Variants in STYX observed in about 807,000 individuals in gnomAD.
STYX encodes serine/threonine/tyrosine interacting protein.
A neutral mutation model predicts 42.7 loss-of-function variants in STYX; 20 were observed. That is an observed-to-expected ratio of 0.47 (90% CI 0.33 to 0.68). STYX has a LOEUF of 0.68. Among genes scored for constraint, STYX ranks in the 30% least tolerant of loss-of-function variants. STYX has a pLI of 0.02. For missense variants in STYX, 226 were observed against 268.5 expected (o/e 0.84, Z 1.11); for synonymous variants, 78 against 81.9 (o/e 0.95, Z 0.26).
chr14:52,732,103 T>G lies in STYX; in HGVS notation c.57+1572T>G, dbSNP rs542777579. ...GAATATACTCATGGTTTTTTTTTTT[T>G]TTTTTTTTTTGACACAGAGTTTCAC... is the stretch of plus-strand genomic sequence containing the variant. On this transcript the variant is annotated intron_variant, in intron 1 of 10. Transcript: ENST00000354586. Among the ~76,000 whole-genome samples, 47 of 149,198 alleles carry G rather than the reference T, an allele frequency of 3.2e-4. No individual in the cohort carries two copies. In the East Asian group the frequency reaches 3.7e-3, roughly 12 times the overall value.
Position 52,730,349 on chromosome 14 carries a change from C to A in STYX, c.-126C>A. On this transcript the variant is annotated 5_prime_UTR_variant, in exon 1 of 11. Coordinates refer to ENST00000354586, the MANE Select transcript of STYX (RefSeq NM_145251.4). ...GTAGTCTGCGTGTGTTAGTTGTAAT[C>A]CCGCCGCCCTCCTGTCAGCCCTCCG... The A allele has an allele frequency of 1.1e-6, 1 of 924,194 alleles. No homozygotes were observed. The highest frequency in any genetic ancestry group is 1.7e-6 in the Non-Finnish European group (1 of 589,150). The allele number at this position is 924,194 out of a possible 1,614,324, so 57.2% of individuals were successfully genotyped here. A position where few individuals can be genotyped will look rare whatever the true frequency, so the allele number is the denominator to read the frequency against.
intron 1 of STYX, among the ~76,000 whole-genome samples, chr14:52,734,124 A>C (rs886247680): frequency 1.3e-5 from 2 of 152,196 alleles, no homozygotes; most frequent in African/African-American, 2.4e-5. Flanking sequence ...TTCCACCCGC[A>C]GTCAGTCTGA....
intron 8 of STYX, among the ~76,000 whole-genome samples, chr14:52,758,826 G>A (rs918935211): frequency 1.3e-5 from 2 of 152,010 alleles, no homozygotes; most frequent in Non-Finnish European, 2.9e-5. Flanking sequence ...CACCTGCCTC[G>A]GCCTCCCAAG....
intron 1 of STYX, among the ~76,000 whole-genome samples, chr14:52,736,363 T>C (rs368521525): frequency 4.6e-5 from 7 of 152,360 alleles, no homozygotes; most frequent in African/African-American, 1.7e-4. Context: ...TTTTTGGTCA[T>C]TGTCTATTTT....
rs938728073 is a variant in STYX, at chr14:52,730,201, G to A, written c.-274G>A. On this transcript the variant is annotated 5_prime_UTR_variant, in exon 1 of 11. Transcript: ENST00000354586. Reference sequence around the variant, plus strand: ...CTGGTTCCTGTGCTGGATCCTGGGCGGCCTGAGGGGTACGGAGACTCTGGG... The same window carrying A: ...CTGGTTCCTGTGCTGGATCCTGGGCAGCCTGAGGGGTACGGAGACTCTGGG... 7.0e-5 allele frequency: 35 copies of A among 499,000 alleles called. No homozygotes were observed. The highest frequency in any genetic ancestry group is 3.6e-4 in the African/African-American group (18 of 49,874). 30.9% of individuals were successfully genotyped at this position (499,000 alleles called of 1,614,324 possible). A position where few individuals can be genotyped will look rare whatever the true frequency, so the allele number is the denominator to read the frequency against.
chr14:52,741,635 C>T (rs1459506559), intron 1 of STYX, among the ~76,000 whole-genome samples: 6 of 152,106 alleles, frequency 3.9e-5, no homozygotes, highest in Non-Finnish European at 8.8e-5. Context: ...GACAGGGTTT[C>T]ACCATGTTGC....
chr14:52,736,223 A>G (rs1210354912), intron 1 of STYX, among the ~76,000 whole-genome samples: 3 of 152,232 alleles, frequency 2.0e-5, no homozygotes, highest in African/African-American at 7.2e-5. Context: ...ACTTTAGGCA[A>G]CATTTCTTCA....
At chr14:52,752,602 A>G (rs1043655675) in intron 4 of STYX, among the ~76,000 whole-genome samples, 1 of 152,232 alleles carries the variant, frequency 6.6e-6, no homozygotes, top group Non-Finnish European at 1.5e-5. Flanking sequence ...ATGAAAAAGA[A>G]TGAAATATAT....
chr14:52,730,638 C>A (rs1038283453), intron 1 of STYX, 107 bp downstream of exon 1: 3 of 1,283,100 alleles, frequency 2.3e-6, no homozygotes, highest in South Asian at 1.3e-5. Flanking sequence ...GGGCGCCCTG[C>A]CTCCTAAGGG....
intron 9 of STYX, among the ~76,000 whole-genome samples, chr14:52,764,810 A>T (rs1882237105): frequency 6.6e-6 from 1 of 151,644 alleles, no homozygotes; most frequent in African/African-American, 2.4e-5. Context: ...CTGGGATTAC[A>T]GACATATGTC....
In STYX at chr14:52,730,481, G is replaced by A. The variant is rs543361373; in HGVS notation, c.7G>A (p.Asp3Asn). ...CAGCCCGCGGGCCAGCACCATGGAG[G>A]ACGTGAAGCTGGAGTTCCCTTCCCT... ME[D>N]VKLEFPSLPQ... The change falls in exon 1 of 11, where the codon GAC (aspartate) becomes AAC (asparagine). Residue 3 changes from aspartate (D) to asparagine (N), a missense_variant. Coordinates refer to ENST00000354586, the MANE Select transcript of STYX (RefSeq NM_145251.4). 1.9e-6 allele frequency: 3 copies of A among 1,613,746 alleles called. No individual in the cohort carries two copies. The highest frequency in any genetic ancestry group is 1.7e-6 in the Non-Finnish European group (2 of 1,179,886).
chr14:52,738,042 CTGGGA>C (rs1404104134), intron 1 of STYX, among the ~76,000 whole-genome samples: 2 of 152,196 alleles, frequency 1.3e-5, no homozygotes, highest in African/African-American at 4.8e-5. Flanking sequence ...TCCCAAAGTG[CTGGGA>C]TTACAGGCGT....
chr14:52,741,259 A>C (rs1881181868), intron 1 of STYX, among the ~76,000 whole-genome samples: 1 of 149,486 alleles, frequency 6.7e-6, no homozygotes, highest in South Asian at 2.1e-4. Flanking sequence ...CTAGGAGTGG[A>C]ATGGCTAGAT....
intron 1 of STYX, among the ~76,000 whole-genome samples, chr14:52,730,876 T>C (rs1880671126): frequency 6.6e-6 from 1 of 152,222 alleles, no homozygotes; most frequent in African/African-American, 2.4e-5. Flanking sequence ...TTGAGGAATA[T>C]CTGTGGTGTA....
intron 8 of STYX, among the ~76,000 whole-genome samples, chr14:52,758,819 C>A (rs2147973): frequency 0.36 from 55,369 of 151,946 alleles, 10,411 homozygotes; most frequent in South Asian, 0.41. Flanking sequence ...TGTGATCCAC[C>A]TGCCTCGGCC....
chr14:52,767,717 CA>C (rs1385374810), intron 9 of STYX, among the ~76,000 whole-genome samples: 2 of 152,082 alleles, frequency 1.3e-5, no homozygotes, highest in Non-Finnish European at 2.9e-5. Context: ...CCTTATATCA[CA>C]GGTTTATTTT....
At chr14:52,746,349 A>C in intron 2 of STYX, 77 bp from the exon 3 acceptor site, 1 of 1,094,074 alleles carries the variant, frequency 9.1e-7, no homozygotes, top group Non-Finnish European at 1.3e-6. Context: ...ATTTGGCCAA[A>C]TAAGGTTTGT....
At position 52,730,178 on chromosome 14, in the gene STYX, G is replaced by A. The variant is rs948766236; in HGVS notation, c.-297G>A. 3 of 447,940 alleles carry A rather than the reference G, an allele frequency of 6.7e-6. No homozygotes were observed. The highest frequency in any genetic ancestry group is 7.9e-6 in the Non-Finnish European group (2 of 251,840). 27.7% of individuals were successfully genotyped at this position (447,940 alleles called of 1,614,324 possible). ...GAGGCGGGGAGACGGTTGTCGGGCT[G>A]GTTCCTGTGCTGGATCCTGGGCGGC... On this transcript the variant is annotated 5_prime_UTR_variant, in exon 1 of 11. Transcript: ENST00000354586.
chr14:52,735,944 G>A (rs1314680769), intron 1 of STYX, among the ~76,000 whole-genome samples: 5 of 152,150 alleles, frequency 3.3e-5, no homozygotes, highest in African/African-American at 7.2e-5. Context: ...AATTTCCATT[G>A]TTTTGAAGAT....
Sources: gnomAD v4.1 joint callset for allele counts (sites outside exome capture counted in the v4.1 genomes callset) on GRCh38, gnomAD v4.1.1 for gene constraint, MANE v1.5 for transcripts, NCBI Gene and HGNC (gene_info 2026-07-23, HGNC 2026-07-21) for gene names.